Variants in INPP4B observed in about 807,000 individuals in gnomAD.
INPP4B encodes the protein inositol polyphosphate 4-phosphatase type II.
Under a neutral mutation model 122.5 loss-of-function variants are expected in INPP4B, and 55 were observed. The observed-to-expected ratio is 0.45, with a 90% CI of 0.36 to 0.56. INPP4B has a LOEUF of 0.56. Ranked by LOEUF, INPP4B falls within the 20% of genes least tolerant of loss-of-function variation. INPP4B has a pLI of 0.00. For synonymous variants in INPP4B, 403 were observed against 388.7 expected (o/e 1.04, Z -0.43); for missense variants, 1,000 against 1,097.7 (o/e 0.91, Z 1.26).
intron 2 of INPP4B, among the ~76,000 whole-genome samples, chr4:142,464,624 A>AT (rs1817408823): frequency 6.6e-6 from 1 of 151,890 alleles, no homozygotes; most frequent in Non-Finnish European, 1.5e-5. Flanking sequence ...AAAAAAAAAA[A>AT]ATGTTTCATA....
chr4:142,498,354 A>T (rs1822923197), intron 2 of INPP4B, among the ~76,000 whole-genome samples: 1 of 151,976 alleles, frequency 6.6e-6, no homozygotes, highest in Admixed American at 6.6e-5. Context: ...TAACAGGTAA[A>T]AGTCATTTAC....
intron 9 of INPP4B, among the ~76,000 whole-genome samples, chr4:142,273,515 GTGA>G (rs1319841658): frequency 6.6e-6 from 1 of 151,856 alleles, no homozygotes; most frequent in Non-Finnish European, 1.5e-5. Flanking sequence ...TATAATGCAA[GTGA>G]ATCATTCAAA....
chr4:142,136,489 C>G (rs1245853192), intron 18 of INPP4B, among the ~76,000 whole-genome samples: 1 of 152,228 alleles, frequency 6.6e-6, no homozygotes, highest in East Asian at 1.9e-4. Flanking sequence ...ACAGCCTTAG[C>G]CTGGATGACC....
chr4:142,258,775 T>C (rs1021855412), intron 11 of INPP4B, among the ~76,000 whole-genome samples: 9 of 152,166 alleles, frequency 5.9e-5, no homozygotes, highest in South Asian at 2.1e-4. Context: ...ACTAGTTCAA[T>C]CATTGTGGAA....
At chr4:142,414,060 G>C (rs35562855) in intron 5 of INPP4B, among the ~76,000 whole-genome samples, 3 of 152,114 alleles carry the variant, frequency 2.0e-5, no homozygotes, top group African/African-American at 7.2e-5. Flanking sequence ...TATTGCTTTA[G>C]AATTCTTGCC....
At chr4:142,038,920 A>G (rs1423445802) in intron 25 of INPP4B, among the ~76,000 whole-genome samples, 2 of 152,264 alleles carry the variant, frequency 1.3e-5, no homozygotes, top group East Asian at 3.9e-4. Context: ...TAAGCTCAAA[A>G]TGGTTTCAAA....
At chr4:142,044,998 C>T (rs1392691754) in intron 25 of INPP4B, among the ~76,000 whole-genome samples, 2 of 152,062 alleles carry the variant, frequency 1.3e-5, no homozygotes, top group Non-Finnish European at 2.9e-5. Flanking sequence ...GAAATTTTTG[C>T]AATATATTCT....
intron 16 of INPP4B, among the ~76,000 whole-genome samples, chr4:142,166,395 T>C (rs1166442868): frequency 1.3e-5 from 2 of 151,816 alleles, no homozygotes; most frequent in Non-Finnish European, 2.9e-5. Flanking sequence ...TAACTCAAGA[T>C]AGATTAAAGA....
At chr4:142,416,743 C>G (rs1805853121) in intron 5 of INPP4B, among the ~76,000 whole-genome samples, 1 of 152,118 alleles carries the variant, frequency 6.6e-6, no homozygotes, top group African/African-American at 2.4e-5. Flanking sequence ...CTTCAGTCAT[C>G]AATCATGTGT....
chr4:142,294,516 TA>T (rs1365554792), intron 9 of INPP4B, among the ~76,000 whole-genome samples: 1 of 151,600 alleles, frequency 6.6e-6, no homozygotes, highest in East Asian at 1.9e-4. Flanking sequence ...ACAAGGGATA[TA>T]AAAAAATGGT....
At chr4:142,090,293 AT>A (rs5862572) in intron 23 of INPP4B, among the ~76,000 whole-genome samples, 58 of 149,850 alleles carry the variant, frequency 3.9e-4, no homozygotes, top group East Asian at 2.4e-3. Flanking sequence ...AGTAATTTTG[AT>A]TTTTTTTTTA....
intron 3 of INPP4B, among the ~76,000 whole-genome samples, chr4:142,440,551 A>G (rs1811473964): frequency 6.6e-6 from 1 of 152,228 alleles, no homozygotes; most frequent in African/African-American, 2.4e-5. Context: ...CATATGAAAT[A>G]TAATGGCTTA....
At chr4:142,781,038 C>G (rs1359175557) in intron 1 of INPP4B, among the ~76,000 whole-genome samples, 1 of 152,102 alleles carries the variant, frequency 6.6e-6, no homozygotes, top group Admixed American at 6.6e-5. Flanking sequence ...CTAAAAAGTG[C>G]TATAACAATG....
intron 1 of INPP4B, among the ~76,000 whole-genome samples, chr4:142,788,608 C>A (rs1015381717): frequency 6.6e-6 from 1 of 151,982 alleles, no homozygotes; most frequent in African/African-American, 2.4e-5. Flanking sequence ...AGTCTTTTAT[C>A]CCCCACCCCT....
Position 142,227,017 on chromosome 4 carries a change from G to A in INPP4B, c.836+10847C>T, listed in dbSNP as rs145824445. Reference sequence around the variant, plus strand: ...GCAAGACAAACAAACAGAAACATTCGGCAGGTGGTTGTGTAGTGGCATCTA... The same window carrying A: ...GCAAGACAAACAAACAGAAACATTCAGCAGGTGGTTGTGTAGTGGCATCTA... On this transcript the variant is annotated intron_variant, in intron 12 of 25. Coordinates refer to ENST00000262992, the MANE Select transcript of INPP4B (RefSeq NM_001101669.3). Among the ~76,000 whole-genome samples the A allele has an allele frequency of 5.2e-4, 79 of 152,214 alleles. 1 individual carries two copies. Among genetic ancestry groups the A allele is most frequent in the Middle Eastern group, 6.8e-3 (2 of 294 alleles).
At chr4:142,831,631 A>G (rs116415342) in intron 1 of INPP4B, among the ~76,000 whole-genome samples, 1 of 152,172 alleles carries the variant, frequency 6.6e-6, no homozygotes, top group Non-Finnish European at 1.5e-5. Context: ...TAGGCTAAAA[A>G]CACAAATTCC....
intron 18 of INPP4B, among the ~76,000 whole-genome samples, chr4:142,135,094 C>A (rs1803370225): frequency 6.6e-6 from 1 of 152,048 alleles, no homozygotes; most frequent in African/African-American, 2.4e-5. Context: ...AAATGTTGAA[C>A]AATATTCACT....
chr4:142,692,599 T>A (rs1167005598), intron 2 of INPP4B, among the ~76,000 whole-genome samples: 1 of 152,198 alleles, frequency 6.6e-6, no homozygotes. Context: ...ATAGCTATTC[T>A]TTCGAGCAGA....
At chr4:142,042,769 G>T (rs1748884942) in intron 25 of INPP4B, among the ~76,000 whole-genome samples, 1 of 151,990 alleles carries the variant, frequency 6.6e-6, no homozygotes, top group African/African-American at 2.4e-5. Context: ...TACCATGTTG[G>T]TCAAGCTGGT....
Sources: gnomAD v4.1 joint callset for allele counts (sites outside exome capture counted in the v4.1 genomes callset) on GRCh38, gnomAD v4.1.1 for gene constraint, MANE v1.5 for transcripts, NCBI Gene and HGNC (gene_info 2026-07-23, HGNC 2026-07-21) for gene names.